The following STYXL2 variants were observed in gnomAD, a reference collection of about 807,000 sequenced individuals.
STYXL2 encodes the protein serine/threonine/tyrosine interacting like 2.
A neutral mutation model predicts 52.4 loss-of-function variants in STYXL2; 44 were observed. The observed-to-expected ratio is 0.84, with a 90% confidence interval of 0.66 to 1.08. The LOEUF (loss-of-function observed/expected upper bound fraction) is 1.08, where lower values mean the gene tolerates loss of function less well. Ranked by LOEUF, STYXL2 falls within the 50% of genes least tolerant of loss-of-function variation. The pLI is 0.00. For synonymous variants in STYXL2, 604 were observed against 586.9 expected, an observed-to-expected ratio of 1.03 and a Z score of -0.42; for missense variants, 1,604 against 1,471.7, an observed-to-expected ratio of 1.09 and a Z score of -1.47.
At position 167,128,147 on chromosome 1, in the gene STYXL2, C is replaced by G. The variant is rs199872759; in HGVS notation, c.3016C>G (p.Arg1006Gly). 1 of 1,614,090 alleles carries G rather than the reference C, an allele frequency of 6.2e-7. No individual in the cohort carries two copies. Among genetic ancestry groups the G allele is most frequent in the Non-Finnish European group, 8.5e-7 (1 of 1,180,044 alleles). The change falls in exon 6 of 6, where the codon CGG becomes GGG. Residue 1006 changes from arginine (R) to glycine (G), a missense_variant. Arg to Gly is a moderately radical substitution (Grantham distance 125, BLOSUM62 -2). Coordinates refer to ENST00000361200, the MANE Select transcript of STYXL2 (RefSeq NM_001080426.3). Reference protein sequence around the residue: ...ANGNSVRSTSRFSSSSTREGR... With the variant: ...ANGNSVRSTSGFSSSSTREGR... The stretch of plus-strand genomic sequence containing the variant: ...TGGCAACTCTGTAAGAAGCACTTCA[C>G]GGTTCTCATCTTCCTCCACCAGGGA...
chr1:167,128,762 G>C lies in STYXL2; in HGVS notation c.*154G>C. On this transcript the variant is annotated 3_prime_UTR_variant, in exon 6 of 6. Coordinates refer to ENST00000361200, the MANE Select transcript of STYXL2 (RefSeq NM_001080426.3). ...AGAGGTACCAAGCATAAGGGCAGCA[G>C]AGGTGGAGTAGGGAGGAGGCAAGGA... 1 of 1,299,820 alleles carries C rather than the reference G, an allele frequency of 7.7e-7. No homozygotes were observed. The highest frequency in any genetic ancestry group is 2.6e-5 in the East Asian group (1 of 39,078). 80.5% of individuals were successfully genotyped at this position (1,299,820 alleles called of 1,614,324 possible).
intron 2 of STYXL2, among the ~76,000 whole-genome samples, chr1:167,106,863 C>T (rs529621704): frequency 2.0e-5 from 3 of 152,312 alleles, no homozygotes; most frequent in African/African-American, 4.8e-5. Flanking sequence ...GAGAAGAGTG[C>T]CTAAGCATTT....
At chr1:167,096,240 A>T (rs770619681) in intron 2 of STYXL2, among the ~76,000 whole-genome samples, 4 of 152,130 alleles carry the variant, frequency 2.6e-5, no homozygotes, top group Non-Finnish European at 5.9e-5. Context: ...CCTGGGCGAC[A>T]GAGCGAGACT....
rs757744473 is a variant in STYXL2, at chr1:167,128,442, C to G, written c.3311C>G (p.Thr1104Arg). 1 of 1,613,990 alleles carries G rather than the reference C, an allele frequency of 6.2e-7. No homozygotes were observed. The highest frequency in any genetic ancestry group is 8.5e-7 in the Non-Finnish European group (1 of 1,179,996). ...GAAGAAGAGGGAGAGAAAGAGAGGA[C>G]AGAAAACAGAGAAGAAGGGAGGTTT... ...RSEEEGEKER[T>R]ENREEGRFAS... The change falls in exon 6 of 6, where the codon ACA becomes AGA. Residue 1104 changes from threonine (T) to arginine (R), a missense_variant. Thr to Arg is a moderately conservative substitution (Grantham distance 71, BLOSUM62 -1). Coordinates refer to ENST00000361200, the MANE Select transcript of STYXL2 (RefSeq NM_001080426.3).
chr1:167,112,084 C>T (rs978342108), intron 2 of STYXL2, among the ~76,000 whole-genome samples: 1 of 152,110 alleles, frequency 6.6e-6, no homozygotes, highest in Non-Finnish European at 1.5e-5. Context: ...CTCTAGTGAA[C>T]AAAGCTCACC....
At chr1:167,094,994 C>A (rs1403267315) in intron 2 of STYXL2, 35 bp downstream of exon 2, 1 of 1,512,432 alleles carries the variant, frequency 6.6e-7, no homozygotes, top group Non-Finnish European at 9.0e-7. Context: ...CTCACAGCCC[C>A]AGCTGGGAGG....
chr1:167,126,506 C>A lies in STYXL2; in HGVS notation c.1375C>A (p.Arg459Ser). ...CCTGAAGCAGCAGCTGGAGCTGAAC[C>A]GCCCGGACCACGGCAGGAGGCGCCG... is the stretch of plus-strand genomic sequence containing the variant. ...WVLKQQLELN[R>S]PDHGRRRRAD... The change falls in exon 6 of 6, where the codon CGC becomes AGC. Residue 459 changes from arginine (R) to serine (S), a missense_variant. Coordinates refer to ENST00000361200, the MANE Select transcript of STYXL2 (RefSeq NM_001080426.3). 1.2e-6 allele frequency: 2 copies of A among 1,611,446 alleles called. No individual in the cohort carries two copies. Among genetic ancestry groups the A allele is most frequent in the Non-Finnish European group, 8.5e-7 (1 of 1,178,994 alleles).
chr1:167,115,992 G>A (rs1266820025), intron 3 of STYXL2, among the ~76,000 whole-genome samples: 1 of 152,108 alleles, frequency 6.6e-6, no homozygotes, highest in Non-Finnish European at 1.5e-5. Context: ...ACGAGGGGCT[G>A]GACCAAGTCT....
Position 167,126,747 on chromosome 1 carries a change from A to G in STYXL2, c.1616A>G (p.Asp539Gly), listed in dbSNP as rs756826122. The G allele has an allele frequency of 1.9e-6, 3 of 1,614,220 alleles. No individual in the cohort carries two copies. Among genetic ancestry groups the G allele is most frequent in the Non-Finnish European group, 2.5e-6 (3 of 1,180,044 alleles). Residue 539 changes from aspartate (D) to glycine (G), a missense_variant, in exon 6 of 6, where the codon GAC becomes GGC. By Grantham distance (94) the Asp-to-Gly change is moderately conservative. Coordinates refer to ENST00000361200, the MANE Select transcript of STYXL2 (RefSeq NM_001080426.3). The stretch of plus-strand genomic sequence containing the variant: ...TACAACTTCTGCAGCAGGAACAAGG[A>G]CAAGCTCACTGCCCTGGAAAGATGG... ...SFYNFCSRNKDKLTALERWKI... is the reference protein window; with the variant it reads ...SFYNFCSRNKGKLTALERWKI...
rs766507558 is a variant in STYXL2, at chr1:167,128,105, T to A, written c.2974T>A (p.Ser992Thr). The change falls in exon 6 of 6, where the codon TCC becomes ACC. Residue 992 changes from serine (S) to threonine (T), a missense_variant. By Grantham distance (58) the Ser-to-Thr change is moderately conservative (BLOSUM62 1). Transcript: ENST00000361200. ...KSQSEEQDTS[S>T]YHEANGNSVR... ...CCAGTCAGAGGAACAGGACACCTCC[T>A]CCTACCACGAGGCAAATGGCAACTC... 6.2e-7 allele frequency: 1 copy of A among 1,614,198 alleles called. No homozygotes were observed. Among genetic ancestry groups the A allele is most frequent in the Non-Finnish European group, 8.5e-7 (1 of 1,180,034 alleles).
rs1226751738 is a variant in STYXL2, at chr1:167,128,489, T to G, written c.3358T>G (p.Tyr1120Asp). 3 of 1,613,726 alleles carry G rather than the reference T, an allele frequency of 1.9e-6. No homozygotes were observed. The African/African-American group carries it at 4.0e-5, about 22-fold the overall frequency. Residue 1120 changes from tyrosine to aspartate, a missense_variant, in exon 6 of 6, where the codon TAT (tyrosine) becomes GAT (aspartate). Physicochemically the swap from Tyr to Asp is radical, Grantham distance 160. Transcript: ENST00000361200. ...GTTTGCATCTGGACGGCGGTCCCAG[T>G]ATCGGAGAAGCACTGACAGGGAGGA... is the stretch of plus-strand genomic sequence containing the variant. Reference protein sequence around the residue: ...GRFASGRRSQYRRSTDREEEE... With the variant: ...GRFASGRRSQDRRSTDREEEE...
intron 4 of STYXL2, 67 bp from the exon 5 acceptor site, chr1:167,119,182 C>T: frequency 6.7e-7 from 1 of 1,483,190 alleles, no homozygotes; most frequent in Non-Finnish European, 9.3e-7. Context: ...GGCAGGCTCA[C>T]CGTCACAGTG....
rs565919628 is a variant in STYXL2 at position 167,104,892 on chromosome 1, A to G, written c.111-8818A>G. Among the ~76,000 whole-genome samples the G allele has an allele frequency of 1.3e-4, 20 of 152,348 alleles. No homozygotes were observed. The East Asian group carries it at 3.9e-3, about 29-fold the overall frequency. On this transcript the variant is annotated intron_variant, in intron 2 of 5. Coordinates refer to ENST00000361200, the MANE Select transcript of STYXL2 (RefSeq NM_001080426.3). ...AGGAAAGTCTGGGCTGAAGGACCCC[A>G]ATTCCACTACATTCCGTGTCTGGAC...
intron 5 of STYXL2, among the ~76,000 whole-genome samples, chr1:167,123,293 G>T (rs966262031): frequency 2.6e-5 from 4 of 152,148 alleles, no homozygotes; most frequent in African/African-American, 7.2e-5. Context: ...TGCCCTTTAG[G>T]CTCCTCAGAG....
chr1:167,128,463 G>A lies in STYXL2; in HGVS notation c.3332G>A (p.Arg1111Lys). The change falls in exon 6 of 6, where the codon AGG becomes AAG. Residue 1111 changes from arginine to lysine, a missense_variant. Coordinates refer to ENST00000361200, the MANE Select transcript of STYXL2 (RefSeq NM_001080426.3). ...AGGACAGAAAACAGAGAAGAAGGGA[G>A]GTTTGCATCTGGACGGCGGTCCCAG... ...KERTENREEG[R>K]FASGRRSQYR... The A allele has an allele frequency of 6.2e-7, 1 of 1,614,000 alleles. No homozygotes were observed. Among genetic ancestry groups the A allele is most frequent in the Non-Finnish European group, 8.5e-7 (1 of 1,179,986 alleles).
intron 2 of STYXL2, among the ~76,000 whole-genome samples, chr1:167,110,058 A>T (rs1667585181): frequency 6.6e-6 from 1 of 152,156 alleles, no homozygotes. Flanking sequence ...TTCTTTGTAG[A>T]CACTCCCCAG....
chr1:167,113,924 C>A, intron 3 of STYXL2, 120 bp downstream of exon 3: 1 of 777,832 alleles, frequency 1.3e-6, no homozygotes, highest in South Asian at 1.5e-5. Flanking sequence ...TTAGGAAGAG[C>A]AGATCTGCAG....
chr1:167,113,304 G>A (rs551945187), intron 2 of STYXL2, among the ~76,000 whole-genome samples: 1 of 152,274 alleles, frequency 6.6e-6, no homozygotes, highest in Admixed American at 6.5e-5. Context: ...CAGCAGTCCA[G>A]CAGAAGACTG....
intron 2 of STYXL2, among the ~76,000 whole-genome samples, chr1:167,097,274 G>A (rs1164960841): frequency 2.0e-5 from 3 of 152,164 alleles, no homozygotes; most frequent in Admixed American, 2.0e-4. Flanking sequence ...CTGTTTTAAG[G>A]TTTATGCCAT....
Sources: allele counts gnomAD v4.1 joint callset (sites outside exome capture counted in the v4.1 genomes callset), GRCh38; gene constraint gnomAD v4.1.1; transcripts MANE v1.5; gene names NCBI Gene and HGNC (gene_info 2026-07-23, HGNC 2026-07-21).